FIP1L1: variants seen among roughly 807,000 people sequenced by gnomAD.
FIP1L1 encodes pre-mRNA 3'-end-processing factor FIP1.
FIP1L1 carries 21 observed loss-of-function variants against 84.6 expected under a neutral mutation model. The observed-to-expected ratio is 0.25, with a 90% CI of 0.18 to 0.36. FIP1L1 has a LOEUF of 0.36. Ranked by LOEUF, FIP1L1 falls within the 10% of genes least tolerant of loss-of-function variation. FIP1L1 has a pLI of 1.00. For synonymous variants in FIP1L1, 263 were observed against 242.3 expected (o/e 1.09, Z -0.80); for missense variants, 526 against 751.1 (o/e 0.70, Z 3.50).
chr4:53,409,816 G>C (rs1225489347), intron 10 of FIP1L1, among the ~76,000 whole-genome samples: 2 of 152,222 alleles, frequency 1.3e-5, no homozygotes, highest in Non-Finnish European at 2.9e-5. Context: ...ATAATCTCCT[G>C]GTGCGCCGTT....
At chr4:53,393,862 T>C (rs1446981925) in intron 9 of FIP1L1, among the ~76,000 whole-genome samples, 2 of 148,654 alleles carry the variant, frequency 1.3e-5, no homozygotes, top group East Asian at 4.1e-4. Flanking sequence ...TTTTCATCCA[T>C]TGTACCAAGC....
Position 53,392,944 on chromosome 4 carries a change from T to C in FIP1L1, c.705+1446T>C, listed in dbSNP as rs1429253108. ...CCTTGATAGTGTGTTTAAATACTAA[T>C]ATGTTTGGTAGAAATACTGATTTGG... On this transcript the variant is annotated intron_variant, in intron 9 of 17. Transcript: ENST00000337488. 3.9e-5 allele frequency among the ~76,000 whole-genome samples: 6 copies of C among 152,346 alleles called. No homozygotes were observed. In the East Asian group the frequency reaches 9.6e-4, roughly 24 times the overall value.
chr4:53,460,093 A>T lies in FIP1L1; in HGVS notation c.*644A>T, dbSNP rs1243380691. 1 of 200,044 alleles carries T rather than the reference A, an allele frequency of 5.0e-6. No homozygotes were observed. Among genetic ancestry groups the T allele is most frequent in the African/African-American group, 2.3e-5 (1 of 43,402 alleles). The allele number at this position is 200,044 out of a possible 1,614,324, so 12.4% of individuals were successfully genotyped here. A position where few individuals can be genotyped will look rare whatever the true frequency, so the allele number is the denominator to read the frequency against. The stretch of plus-strand genomic sequence containing the variant: ...ACCCATAGTGTAGTTTCTAGGAGGC[A>T]TGTGTACACACACTCTTCATTGTGG... On this transcript the variant is annotated 3_prime_UTR_variant, in exon 18 of 18. Coordinates refer to ENST00000337488, the MANE Select transcript of FIP1L1 (RefSeq NM_030917.4).
chr4:53,383,592 G>GTGGA (rs1240432704), intron 4 of FIP1L1, among the ~76,000 whole-genome samples, 181 bp from the exon 5 acceptor site: 1 of 152,100 alleles, frequency 6.6e-6, no homozygotes, highest in African/African-American at 2.4e-5. Context: ...AACCTGGGAG[G>GTGGA]TGGAGGTTGC....
chr4:53,422,721 TA>T (rs138117820), intron 11 of FIP1L1, among the ~76,000 whole-genome samples: 23 of 150,430 alleles, frequency 1.5e-4, no homozygotes, highest in South Asian at 6.3e-4. Flanking sequence ...TATATATATA[TA>T]TTTTTTTTTT....
rs183944421 is a variant in FIP1L1 at position 53,393,207 on chromosome 4, G to A, written c.705+1709G>A. On this transcript the variant is annotated intron_variant, in intron 9 of 17. Transcript: ENST00000337488. ...CAGGATGGGCTGTAGAATGAAAGGG[G>A]TGTGAAACAGATAGGGAGCTGTTGC... is the stretch of plus-strand genomic sequence containing the variant. 1.2e-4 allele frequency among the ~76,000 whole-genome samples: 19 copies of A among 152,318 alleles called. No individual in the cohort carries two copies. In the East Asian group the frequency reaches 3.7e-3, roughly 29 times the overall value.
intron 12 of FIP1L1, 145 bp from the exon 13 acceptor site, chr4:53,427,882 G>T (rs1764983014): frequency 1.6e-6 from 1 of 628,218 alleles, no homozygotes; most frequent in Admixed American, 3.0e-5. Flanking sequence ...CACACATGTA[G>T]AACTATTACT....
intron 13 of FIP1L1, among the ~76,000 whole-genome samples, chr4:53,441,344 A>C (rs1450380306): frequency 6.6e-6 from 1 of 151,928 alleles, no homozygotes; most frequent in Admixed American, 6.6e-5. Flanking sequence ...GAAAGAGTGA[A>C]GTTTAGGTAG....
chr4:53,407,310 T>C (rs1247619926), intron 10 of FIP1L1, among the ~76,000 whole-genome samples: 1 of 152,242 alleles, frequency 6.6e-6, no homozygotes, highest in African/African-American at 2.4e-5. Flanking sequence ...TTCCATGTAG[T>C]TGAGCGGTTC....
At chr4:53,440,388 T>G (rs891189418) in intron 13 of FIP1L1, among the ~76,000 whole-genome samples, 1 of 151,960 alleles carries the variant, frequency 6.6e-6, no homozygotes, top group African/African-American at 2.4e-5. Context: ...TTAGACTGGG[T>G]TTTCATCAAG....
chr4:53,438,293 G>A lies in FIP1L1; in HGVS notation c.1175-4360G>A, dbSNP rs150354844. 2.2e-4 allele frequency among the ~76,000 whole-genome samples: 34 copies of A among 152,288 alleles called. No individual in the cohort carries two copies. In the East Asian group the frequency reaches 5.2e-3, roughly 23 times the overall value. ...TGTTGGGAGGGGAAAGAAGAGGGAC[G>A]TTTGAGATGAATTTTCTCTTCCCTT... On this transcript the variant is annotated intron_variant, in intron 13 of 17. Coordinates refer to ENST00000337488, the MANE Select transcript of FIP1L1 (RefSeq NM_030917.4).
intron 11 of FIP1L1, among the ~76,000 whole-genome samples, chr4:53,423,116 T>G (rs183927478): frequency 1.3e-5 from 2 of 152,328 alleles, no homozygotes; most frequent in Admixed American, 1.3e-4. Flanking sequence ...TTCTGGGATA[T>G]CAGAATCATC....
chr4:53,441,541 T>G (rs1771933194), intron 13 of FIP1L1, among the ~76,000 whole-genome samples: 1 of 151,912 alleles, frequency 6.6e-6, no homozygotes, highest in African/African-American at 2.4e-5. Flanking sequence ...ATTGCCAAAT[T>G]TTGTACTTTT....
chr4:53,407,052 T>G (rs955144965), intron 10 of FIP1L1, among the ~76,000 whole-genome samples: 26 of 152,190 alleles, frequency 1.7e-4, no homozygotes, highest in African/African-American at 6.3e-4. Context: ...CTTCTGCTAG[T>G]TTTTGAATGT....
intron 15 of FIP1L1, among the ~76,000 whole-genome samples, chr4:53,450,790 G>A (rs1288842543): frequency 6.6e-6 from 1 of 152,110 alleles, no homozygotes; most frequent in East Asian, 1.9e-4. Flanking sequence ...GTTCCTACCT[G>A]TATTTCTATT....
chr4:53,421,921 C>A (rs1180309307), intron 11 of FIP1L1, among the ~76,000 whole-genome samples: 2 of 152,190 alleles, frequency 1.3e-5, no homozygotes, highest in African/African-American at 4.8e-5. Context: ...AGAACCTGAA[C>A]TGTTCTCAAA....
At chr4:53,423,323 A>AT (rs1325138272) in intron 11 of FIP1L1, among the ~76,000 whole-genome samples, 1 of 152,170 alleles carries the variant, frequency 6.6e-6, no homozygotes, top group Non-Finnish European at 1.5e-5. Flanking sequence ...GATTTTGATA[A>AT]TAGCATTAGC....
intron 10 of FIP1L1, among the ~76,000 whole-genome samples, chr4:53,411,540 A>T (rs1388887427): frequency 6.6e-6 from 1 of 152,168 alleles, no homozygotes; most frequent in Admixed American, 6.5e-5. Flanking sequence ...TGAAAGTAAA[A>T]TTGTATTGAC....
intron 7 of FIP1L1, 54 bp downstream of exon 7, chr4:53,390,682 G>A: frequency 3.1e-6 from 4 of 1,281,422 alleles, no homozygotes; most frequent in Non-Finnish European, 4.4e-6. Context: ...GAAGTCATCA[G>A]AAAATTTTTT....
Sources: allele counts gnomAD v4.1 joint callset (sites outside exome capture counted in the v4.1 genomes callset), GRCh38; gene constraint gnomAD v4.1.1; transcripts MANE v1.5; gene names NCBI Gene and HGNC (gene_info 2026-07-23, HGNC 2026-07-21).